The following SSUH2 variants were observed in gnomAD, a reference collection of about 807,000 sequenced individuals.
The protein encoded by SSUH2 is ssu-2 homolog, also known as protein SSUH2 homolog.
SSUH2 carries 47 observed loss-of-function variants against 55.3 expected under a neutral mutation model. The ratio of observed to expected loss-of-function variants is 0.85; its 90% CI spans 0.67 to 1.08. The LOEUF is 1.08. Among genes scored for constraint, SSUH2 ranks in the 50% least tolerant of loss-of-function variants. The pLI is 0.00. For missense variants in SSUH2, 535 were observed against 490.7 expected, an observed-to-expected ratio of 1.09 and a Z score of -0.85; for synonymous variants, 212 against 191.5, an observed-to-expected ratio of 1.11 and a Z score of -0.89.
chr3:8,639,535 G>C (rs1296348502), intron 1 of SSUH2, among the ~76,000 whole-genome samples: 1 of 152,192 alleles, frequency 6.6e-6, no homozygotes, highest in African/African-American at 2.4e-5. Flanking sequence ...TGAATGTTGA[G>C]AAGACTTTGC....
intron 7 of SSUH2, among the ~76,000 whole-genome samples, chr3:8,658,710 T>C (rs917252051): frequency 1.3e-5 from 2 of 152,124 alleles, no homozygotes; most frequent in African/African-American, 4.8e-5. Context: ...AATATTCTGC[T>C]ATCTCATTCT....
Position 8,656,526 on chromosome 3 carries a change from C to T in SSUH2, c.-307+2399G>A, listed in dbSNP as rs965062547. On this transcript the variant is annotated intron_variant, in intron 7 of 18. Coordinates refer to the SSUH2 transcript ENST00000317371. ...TGTGACCCAGGGACGGAGCAACAGC[C>T]ATTCCACAAACAGTCCTCATGCCCC... is the stretch of plus-strand genomic sequence containing the variant. Among the ~76,000 whole-genome samples, 2 of 152,176 alleles carry T rather than the reference C, an allele frequency of 1.3e-5. 1 individual carries two copies. The highest frequency in any genetic ancestry group is 1.3e-4 in the Admixed American group (2 of 15,278).
chr3:8,652,851 T>C (rs1191483991), intron 7 of SSUH2, among the ~76,000 whole-genome samples: 3 of 152,200 alleles, frequency 2.0e-5, no homozygotes, highest in Admixed American at 6.5e-5. Context: ...TTCTCTCCTC[T>C]GTGTCTTCAG....
chr3:8,638,520 T>C (rs1261748732), intron 1 of SSUH2, among the ~76,000 whole-genome samples: 1 of 152,206 alleles, frequency 6.6e-6, no homozygotes, highest in African/African-American at 2.4e-5. Flanking sequence ...AAAGGCAGCA[T>C]GGTTAGAAAC....
intron 3 of SSUH2, among the ~76,000 whole-genome samples, chr3:8,676,012 C>A (rs1027987381): frequency 6.6e-6 from 1 of 152,100 alleles, no homozygotes; most frequent in Non-Finnish European, 1.5e-5. Context: ...AACTGCCCTG[C>A]TAGTACGAGA....
At position 8,619,809 on chromosome 3, in the gene SSUH2, G is replaced by T; in HGVS notation, c.*59C>A. The T allele has an allele frequency of 6.3e-7, 1 of 1,583,128 alleles. No homozygotes were observed. Reference sequence around the variant, plus strand: ...AGCCAACAGTGAACACACTCAGAGAGTGTCGGCCATCTTCCTTGGCAAACG... The same window carrying T: ...AGCCAACAGTGAACACACTCAGAGATTGTCGGCCATCTTCCTTGGCAAACG... On this transcript the variant is annotated 3_prime_UTR_variant, in exon 12 of 12. Transcript: ENST00000544814.
At chr3:8,622,004 A>G (rs1331106747) in intron 11 of SSUH2, among the ~76,000 whole-genome samples, 1 of 150,266 alleles carries the variant, frequency 6.7e-6, no homozygotes, top group East Asian at 2.0e-4. Flanking sequence ...CAAATTGCTC[A>G]AGACATCAAT....
chr3:8,644,650 G>A, intron 1 of SSUH2, 81 bp downstream of exon 1: 1 of 1,220,530 alleles, frequency 8.2e-7, no homozygotes, highest in Non-Finnish European at 1.2e-6. Flanking sequence ...CAACATATTA[G>A]AGGTCAGATT....
rs186981026 is a variant in SSUH2, at chr3:8,640,097, T to A, written c.29-4240A>T. Reference sequence around the variant, plus strand: ...GTGGGGAGAAGGGAATAAGGAATTATTTAATAGAGACAGAATTTCAGATTT... The same window carrying A: ...GTGGGGAGAAGGGAATAAGGAATTAATTAATAGAGACAGAATTTCAGATTT... On this transcript the variant is annotated intron_variant, in intron 1 of 11. Coordinates refer to ENST00000544814, the MANE Select transcript of SSUH2 (RefSeq NM_001256748.3). 2,406 of 684,484 alleles carry A rather than the reference T, an allele frequency of 3.5e-3. 10 individuals are homozygous for A. Among genetic ancestry groups the A allele is most frequent in the South Asian group, 6.0e-3 (91 of 15,280 alleles). 42.4% of individuals were successfully genotyped at this position (684,484 alleles called of 1,614,324 possible).
intron 1 of SSUH2, among the ~76,000 whole-genome samples, chr3:8,639,782 C>T (rs1340141773): frequency 6.6e-6 from 1 of 152,182 alleles, no homozygotes; most frequent in Non-Finnish European, 1.5e-5. Flanking sequence ...CTTCCCATCA[C>T]CATCTTACTT....
exon 3 of SSUH2, chr3:8,677,280 T>C (rs1575406906): frequency 6.6e-6 from 1 of 151,674 alleles, no homozygotes; most frequent in East Asian, 2.0e-4. Flanking sequence ...ACTTGGGATT[T>C]ACTATCCAAC....
chr3:8,659,643 C>T (rs1346084351), intron 6 of SSUH2: 1 of 382,904 alleles, frequency 2.6e-6, no homozygotes, highest in Non-Finnish European at 5.2e-6. Flanking sequence ...TGTGTCTGCT[C>T]ACATCAGTCC....
chr3:8,672,210 G>C (rs1273832770), intron 3 of SSUH2, among the ~76,000 whole-genome samples: 1 of 151,954 alleles, frequency 6.6e-6, no homozygotes, highest in African/African-American at 2.4e-5. Flanking sequence ...CAATATCCCT[G>C]GGGTGGTGTA....
chr3:8,625,424 T>C, intron 10 of SSUH2, 118 bp downstream of exon 10: 2 of 646,736 alleles, frequency 3.1e-6, no homozygotes, highest in Admixed American at 5.4e-5. Flanking sequence ...GGAGCTCTGC[T>C]CCTACACAAC....
At chr3:8,620,122 C>T in intron 11 of SSUH2, 108 bp from the exon 12 acceptor site, 1 of 1,233,114 alleles carries the variant, frequency 8.1e-7, no homozygotes, top group Non-Finnish European at 1.1e-6. Context: ...AGGTCCTGCT[C>T]TGGAGTTGGC....
At position 8,627,684 on chromosome 3, in the gene SSUH2, G is replaced by A; in HGVS notation, c.674+14C>T. 6.4e-7 allele frequency: 1 copy of A among 1,561,246 alleles called. No homozygotes were observed. Among genetic ancestry groups the A allele is most frequent in the Non-Finnish European group, 8.7e-7 (1 of 1,153,554 alleles). On this transcript the variant is annotated intron_variant, in intron 8 of 11. Coordinates refer to ENST00000544814, the MANE Select transcript of SSUH2 (RefSeq NM_001256748.3). ...CAAGAGCACTTCACCGCGGTGCTGGGGAGATGCCCCTACCTTCGCCTGCCG... is the reference window on the plus strand; with the variant it reads ...CAAGAGCACTTCACCGCGGTGCTGGAGAGATGCCCCTACCTTCGCCTGCCG...
chr3:8,675,626 G>A (rs1480678528), intron 3 of SSUH2, among the ~76,000 whole-genome samples: 7 of 152,168 alleles, frequency 4.6e-5, no homozygotes, highest in African/African-American at 7.2e-5. Context: ...GCAATCTAGC[G>A]GAGTCTAAGA....
chr3:8,672,499 C>G (rs1313632571), intron 3 of SSUH2, among the ~76,000 whole-genome samples: 1 of 152,060 alleles, frequency 6.6e-6, no homozygotes, highest in South Asian at 2.1e-4. Flanking sequence ...ATATTAAGAA[C>G]AATATCACAG....
chr3:8,632,383 G>A (rs2125167963), intron 4 of SSUH2, among the ~76,000 whole-genome samples: 1 of 152,308 alleles, frequency 6.6e-6, no homozygotes, highest in East Asian at 1.9e-4. Context: ...AAGATTCTAT[G>A]AGACAAGCTT....
Sources: gnomAD v4.1 joint callset for allele counts (sites outside exome capture counted in the v4.1 genomes callset) on GRCh38, gnomAD v4.1.1 for gene constraint, MANE v1.5 for transcripts, NCBI Gene and HGNC (gene_info 2026-07-23, HGNC 2026-07-21) for gene names.